Variants in INTS9 observed in about 807,000 individuals in gnomAD.
INTS9 encodes the protein integrator complex subunit 9, also known as protein related to CPSF subunits of 74 kDa.
INTS9 carries 55 observed loss-of-function variants against 79.7 expected under a neutral mutation model. The ratio of observed to expected loss-of-function variants is 0.69; its 90% CI spans 0.56 to 0.86. The LOEUF is 0.86. INTS9 is among the 40% of genes least tolerant of loss of function. The pLI, the probability that INTS9 is intolerant of heterozygous loss-of-function variation, is 0.00. For synonymous variants in INTS9, 319 were observed against 325.2 expected, an observed-to-expected ratio of 0.98 and a Z score of 0.20; for missense variants, 721 against 831.5, an observed-to-expected ratio of 0.87 and a Z score of 1.64.
At chr8:28,847,353 G>A (rs147324607) in intron 3 of INTS9, among the ~76,000 whole-genome samples, 7 of 152,102 alleles carry the variant, frequency 4.6e-5, no homozygotes, top group African/African-American at 7.2e-5. Context: ...AAAGGGGGAT[G>A]TAAGGAGGGA....
intron 1 of INTS9, 136 bp downstream of exon 1, chr8:28,889,738 C>T: frequency 7.5e-6 from 7 of 932,512 alleles, no homozygotes; most frequent in Non-Finnish European, 9.8e-6. Context: ...AAGCAGCTTT[C>T]CTTAGCCCAC....
chr8:28,808,221 T>C (rs1804919645), intron 8 of INTS9, among the ~76,000 whole-genome samples: 2 of 149,346 alleles, frequency 1.3e-5, no homozygotes, highest in African/African-American at 5.0e-5. Flanking sequence ...TGAGACGGAG[T>C]CTCTCTCTGT....
chr8:28,872,838 T>A (rs1809168878), intron 1 of INTS9, among the ~76,000 whole-genome samples: 1 of 152,238 alleles, frequency 6.6e-6, no homozygotes, highest in Admixed American at 6.5e-5. Flanking sequence ...ACTTCAGGCT[T>A]TCTGTCACTC....
intron 2 of INTS9, among the ~76,000 whole-genome samples, chr8:28,858,294 A>T (rs1019828703): frequency 6.6e-6 from 1 of 152,194 alleles, no homozygotes; most frequent in African/African-American, 2.4e-5. Flanking sequence ...TGATAGACTA[A>T]GTTCCATGAG....
chr8:28,791,908 T>G (rs1261554393), intron 10 of INTS9, among the ~76,000 whole-genome samples: 3 of 152,190 alleles, frequency 2.0e-5, no homozygotes, highest in African/African-American at 7.2e-5. Flanking sequence ...TACTGCAAAC[T>G]GTAATTTATA....
chr8:28,778,025 G>A (rs1362934839), intron 12 of INTS9, 72 bp from the exon 13 acceptor site: 3 of 1,474,186 alleles, frequency 2.0e-6, no homozygotes, highest in Non-Finnish European at 2.7e-6. Context: ...CAGCAACTGG[G>A]GCGCTGAGGG....
chr8:28,871,681 C>T (rs1809104088), intron 1 of INTS9, among the ~76,000 whole-genome samples: 1 of 152,132 alleles, frequency 6.6e-6, no homozygotes, highest in African/African-American at 2.4e-5. Context: ...GCTGGGATTA[C>T]AGGTGTGAGC....
At chr8:28,838,976 T>A (rs1806992878) in intron 4 of INTS9, among the ~76,000 whole-genome samples, 1 of 152,218 alleles carries the variant, frequency 6.6e-6, no homozygotes, top group Non-Finnish European at 1.5e-5. Flanking sequence ...ATTAGCAGCA[T>A]GTTCTGGGAG....
intron 6 of INTS9, among the ~76,000 whole-genome samples, chr8:28,822,165 G>A (rs919320728): frequency 5.3e-5 from 8 of 152,132 alleles, no homozygotes; most frequent in Non-Finnish European, 7.3e-5. Context: ...GGGAAATAAA[G>A]GGAATTTTGC....
intron 12 of INTS9, among the ~76,000 whole-genome samples, chr8:28,779,078 T>C (rs546642535): frequency 1.2e-4 from 19 of 152,306 alleles, no homozygotes; most frequent in African/African-American, 4.6e-4. Context: ...GGCCAGGTTA[T>C]CTACTGTGCT....
intron 8 of INTS9, among the ~76,000 whole-genome samples, chr8:28,804,004 G>A (rs948804034): frequency 6.6e-6 from 1 of 152,066 alleles, no homozygotes; most frequent in Non-Finnish European, 1.5e-5. Context: ...GCTCACTGCA[G>A]CCTCAACCTC....
At chr8:28,873,447 T>A (rs1356533477) in intron 1 of INTS9, among the ~76,000 whole-genome samples, 1 of 152,170 alleles carries the variant, frequency 6.6e-6, no homozygotes, top group African/African-American at 2.4e-5. Flanking sequence ...CAACATAATG[T>A]TGAATTAAAG....
At chr8:28,849,351 G>C (rs962447650) in intron 3 of INTS9, among the ~76,000 whole-genome samples, 4 of 152,066 alleles carry the variant, frequency 2.6e-5, no homozygotes, top group African/African-American at 4.8e-5. Context: ...CTATTGATCC[G>C]AGGAAGGAAT....
chr8:28,884,921 A>G (rs1002118259), intron 1 of INTS9, among the ~76,000 whole-genome samples: 4 of 152,234 alleles, frequency 2.6e-5, no homozygotes, highest in Non-Finnish European at 4.4e-5. Flanking sequence ...ACAACCATGT[A>G]AACTGGAGGA....
chr8:28,839,395 C>T (rs1367640840), intron 4 of INTS9, among the ~76,000 whole-genome samples: 1 of 151,750 alleles, frequency 6.6e-6, no homozygotes. Flanking sequence ...AATGCCATCC[C>T]CATCAAGCTA....
chr8:28,771,059 T>G lies in INTS9; in HGVS notation c.1585A>C (p.Met529Leu). 1.2e-6 allele frequency: 2 copies of G among 1,611,532 alleles called. No individual in the cohort carries two copies. Among genetic ancestry groups the G allele is most frequent in the Non-Finnish European group, 1.7e-6 (2 of 1,178,882 alleles). ...AAGGAGATGCCAGGCTTGATCTCCA[T>G]GGGCACCAGTGAATCTGCGAGCTGA... ...MPELADSLVPMEIKPGISLAT... is the reference protein window; with the variant it reads ...MPELADSLVPLEIKPGISLAT... The change falls in exon 15 of 17, where the codon ATG (methionine) becomes CTG (leucine). Residue 529 changes from methionine to leucine, a missense_variant. Met to Leu is a conservative substitution (Grantham distance 15, BLOSUM62 2). Transcript: ENST00000521022.
chr8:28,889,894 G>A lies in INTS9; in HGVS notation c.-12C>T, dbSNP rs1436333064. 5 of 1,612,974 alleles carry A rather than the reference G, an allele frequency of 3.1e-6. No individual in the cohort carries two copies. Among genetic ancestry groups the A allele is most frequent in the Non-Finnish European group, 4.2e-6 (5 of 1,179,282 alleles). ...CTCACCAGTTTCATAATGGACTTTT[G>A]GTGGTTCAATAGCAGTCACTGAACT... On this transcript the variant is annotated 5_prime_UTR_variant, in exon 1 of 17. Transcript: ENST00000521022.
chr8:28,841,434 G>A (rs530796389), intron 4 of INTS9, among the ~76,000 whole-genome samples: 1 of 152,162 alleles, frequency 6.6e-6, no homozygotes, highest in Non-Finnish European at 1.5e-5. Context: ...CAGAAACTGG[G>A]TGAGAAAACT....
At chr8:28,792,037 A>G (rs544394344) in intron 10 of INTS9, among the ~76,000 whole-genome samples, 8 of 152,374 alleles carry the variant, frequency 5.3e-5, no homozygotes, top group Admixed American at 4.6e-4. Flanking sequence ...GGAGAAATGT[A>G]CTTTACCACA....
Sources: gnomAD v4.1 joint callset for allele counts (sites outside exome capture counted in the v4.1 genomes callset) on GRCh38, gnomAD v4.1.1 for gene constraint, MANE v1.5 for transcripts, NCBI Gene and HGNC (gene_info 2026-07-23, HGNC 2026-07-21) for gene names.